ERC2: variants seen among roughly 807,000 people sequenced by gnomAD.
ERC2 encodes the protein ELKS/RAB6-interacting/CAST family member 2, also known as ERC protein 2.
Under a neutral mutation model 114.8 loss-of-function variants are expected in ERC2, and 42 were observed. That is an observed-to-expected ratio of 0.37 (90% CI 0.29 to 0.47). The LOEUF (loss-of-function observed/expected upper bound fraction) is 0.47, where lower values mean the gene tolerates loss of function less well. Among genes scored for constraint, ERC2 ranks in the 20% least tolerant of loss-of-function variants. The pLI is 0.99. For missense variants in ERC2, 939 were observed against 1,150.7 expected, an observed-to-expected ratio of 0.82 and a Z score of 2.66; for synonymous variants, 454 against 425.5, an observed-to-expected ratio of 1.07 and a Z score of -0.82.
At chr3:56,087,413 T>G (rs1299995608) in intron 6 of ERC2, among the ~76,000 whole-genome samples, 2 of 152,112 alleles carry the variant, frequency 1.3e-5, no homozygotes, top group African/African-American at 4.8e-5. Flanking sequence ...CCAGTTCCAA[T>G]GGTGAGGTAT....
chr3:56,447,890 C>A (rs1377251904), intron 1 of ERC2, among the ~76,000 whole-genome samples: 2 of 151,936 alleles, frequency 1.3e-5, no homozygotes, highest in Admixed American at 1.3e-4. Context: ...TTACAGGTGC[C>A]CACCACCAAG....
chr3:56,240,217 A>G (rs545067124), intron 3 of ERC2, among the ~76,000 whole-genome samples: 4 of 152,240 alleles, frequency 2.6e-5, no homozygotes, highest in Non-Finnish European at 5.9e-5. Flanking sequence ...ACCAGGCCAC[A>G]GAATTGTATC....
At chr3:55,614,892 T>C (rs190216534) in intron 17 of ERC2, among the ~76,000 whole-genome samples, 71 of 152,352 alleles carry the variant, frequency 4.7e-4, no homozygotes, top group Non-Finnish European at 8.8e-4. Context: ...ATTATATCAC[T>C]TACCACTAAA....
At chr3:56,147,840 T>C (rs1300746970) in intron 5 of ERC2, among the ~76,000 whole-genome samples, 1 of 152,218 alleles carries the variant, frequency 6.6e-6, no homozygotes, top group African/African-American at 2.4e-5. Context: ...AAGACCTATT[T>C]GGGCTATTCG....
At chr3:55,847,335 T>A (rs569848650) in intron 14 of ERC2, among the ~76,000 whole-genome samples, 19 of 152,322 alleles carry the variant, frequency 1.2e-4, no homozygotes, top group African/African-American at 4.6e-4. Flanking sequence ...TAAAATGATT[T>A]TGAAAATTGC....
At chr3:55,552,546 A>C (rs1575562607) in intron 17 of ERC2, among the ~76,000 whole-genome samples, 1 of 152,094 alleles carries the variant, frequency 6.6e-6, no homozygotes, top group Non-Finnish European at 1.5e-5. Flanking sequence ...ATCATGGAAA[A>C]AATGCACTTT....
At chr3:56,458,898 G>A (rs189503918) in intron 1 of ERC2, among the ~76,000 whole-genome samples, 8 of 152,260 alleles carry the variant, frequency 5.3e-5, no homozygotes, top group East Asian at 1.9e-4. Flanking sequence ...CTTGAACCAC[G>A]ACTGCTCCTC....
intron 17 of ERC2, among the ~76,000 whole-genome samples, chr3:55,606,042 A>G (rs973727435): frequency 6.6e-6 from 1 of 152,196 alleles, no homozygotes; most frequent in African/African-American, 2.4e-5. Flanking sequence ...CATAAGGCCA[A>G]TGCCCTATGG....
At chr3:55,977,987 C>A (rs2069728402) in intron 12 of ERC2, among the ~76,000 whole-genome samples, 1 of 152,162 alleles carries the variant, frequency 6.6e-6, no homozygotes, top group South Asian at 2.1e-4. Flanking sequence ...GCACAGATAT[C>A]ATATTATAAA....
At chr3:56,191,353 A>G (rs1429313419) in intron 3 of ERC2, among the ~76,000 whole-genome samples, 2 of 152,082 alleles carry the variant, frequency 1.3e-5, no homozygotes, top group African/African-American at 4.8e-5. Context: ...TGAGTCTCTG[A>G]CCTAGCTCCC....
intron 3 of ERC2, among the ~76,000 whole-genome samples, chr3:56,276,031 G>A (rs1392368496): frequency 6.6e-6 from 1 of 152,156 alleles, no homozygotes; most frequent in Non-Finnish European, 1.5e-5. Context: ...TTGCAAACTT[G>A]CACTGGAGTT....
At chr3:55,780,289 A>T (rs2068934787) in intron 14 of ERC2, among the ~76,000 whole-genome samples, 1 of 152,224 alleles carries the variant, frequency 6.6e-6, no homozygotes, top group Non-Finnish European at 1.5e-5. Flanking sequence ...ACATAAAATC[A>T]TGAAAAAGAT....
rs113196311 is a variant in ERC2 at position 55,820,461 on chromosome 3, C to T, written c.2564+67928G>A. ...AAGTGTTGTCACAGAAATCAACTCA[C>T]GTGAGCTCATAAACTTAGTTATAAT... On this transcript the variant is annotated intron_variant, in intron 14 of 17. Coordinates refer to ENST00000288221, the MANE Select transcript of ERC2 (RefSeq NM_015576.3). Among the ~76,000 whole-genome samples, 463 of 152,294 alleles carry T rather than the reference C, an allele frequency of 3.0e-3. 4 individuals are homozygous for T. The highest frequency in any genetic ancestry group is 0.01 in the African/African-American group (428 of 41,554).
intron 6 of ERC2, among the ~76,000 whole-genome samples, chr3:56,092,273 C>G (rs2077836214): frequency 6.6e-6 from 1 of 152,282 alleles, no homozygotes; most frequent in South Asian, 2.1e-4. Flanking sequence ...GTCCCACATG[C>G]CACCTACTTG....
intron 17 of ERC2, among the ~76,000 whole-genome samples, chr3:55,518,684 GT>G (rs546627932): frequency 2.1e-4 from 32 of 152,210 alleles, no homozygotes; most frequent in Admixed American, 1.5e-3. Context: ...CAATGAAGTA[GT>G]TACTAGAAAA....
intron 3 of ERC2, among the ~76,000 whole-genome samples, chr3:56,180,247 C>G (rs982511763): frequency 2.6e-5 from 4 of 152,158 alleles, no homozygotes; most frequent in Non-Finnish European, 2.9e-5. Context: ...GAGTGAAAGT[C>G]TAACTAGCAT....
chr3:55,847,862 G>A (rs1377623843), intron 14 of ERC2, among the ~76,000 whole-genome samples: 6 of 152,052 alleles, frequency 3.9e-5, no homozygotes, highest in Admixed American at 2.0e-4. Flanking sequence ...GCGGTGGTGC[G>A]ATCACAGCTC....
intron 17 of ERC2, among the ~76,000 whole-genome samples, chr3:55,682,623 T>G (rs863631): frequency 6.6e-6 from 1 of 152,004 alleles, no homozygotes; most frequent in Admixed American, 6.5e-5. Flanking sequence ...TGCCATGCTA[T>G]TTGAAGGCAA....
chr3:55,908,567 C>T (rs1403675411), intron 13 of ERC2, among the ~76,000 whole-genome samples: 3 of 151,982 alleles, frequency 2.0e-5, no homozygotes, highest in South Asian at 2.1e-4. Context: ...CAGGTGAGTC[C>T]GAGAATGCTG....
Sources: allele counts gnomAD v4.1 joint callset (sites outside exome capture counted in the v4.1 genomes callset), GRCh38; gene constraint gnomAD v4.1.1; transcripts MANE v1.5; gene names NCBI Gene and HGNC (gene_info 2026-07-23, HGNC 2026-07-21).